Variants in ARHGEF3 observed in about 807,000 individuals in gnomAD.
ARHGEF3 encodes the protein Rho guanine nucleotide exchange factor 3.
Under a neutral mutation model 63.2 loss-of-function variants are expected in ARHGEF3, and 28 were observed. That is an observed-to-expected ratio of 0.44 (90% CI 0.33 to 0.61). The LOEUF is 0.61. Among genes scored for constraint, ARHGEF3 ranks in the 20% least tolerant of loss-of-function variants. The pLI, the probability that ARHGEF3 is intolerant of heterozygous loss-of-function variation, is 0.03. For missense variants in ARHGEF3, 533 were observed against 659.3 expected, an observed-to-expected ratio of 0.81 and a Z score of 2.10; for synonymous variants, 266 against 254.2, an observed-to-expected ratio of 1.05 and a Z score of -0.44.
At chr3:56,740,150 G>T (rs544938573) in intron 7 of ARHGEF3, among the ~76,000 whole-genome samples, 1 of 151,556 alleles carries the variant, frequency 6.6e-6, no homozygotes, top group East Asian at 1.9e-4. Context: ...TGCCTGCCTT[G>T]GCCTCCCTAA....
rs556018715 is a variant in ARHGEF3, at chr3:56,807,171, C to G, written c.193-33355G>C. ...AAAGTGCTGGGATTACAGGTGGGAGCCACCGCGCCAGGCCTGAGTTCCTTT... is the reference window on the plus strand; with the variant it reads ...AAAGTGCTGGGATTACAGGTGGGAGGCACCGCGCCAGGCCTGAGTTCCTTT... On this transcript the variant is annotated intron_variant, in intron 4 of 12. Transcript: ENST00000338458. Among the ~76,000 whole-genome samples the G allele has an allele frequency of 2.6e-5, 4 of 152,288 alleles. No homozygotes were observed. In the East Asian group the frequency reaches 7.7e-4, roughly 29 times the overall value.
chr3:56,968,235 A>T (rs1170905712), intron 2 of ARHGEF3, among the ~76,000 whole-genome samples: 15 of 34,810 alleles, frequency 4.3e-4, no homozygotes, highest in Non-Finnish European at 7.2e-4. Context: ...TATATATATA[A>T]ATATATATAT....
intron 2 of ARHGEF3, among the ~76,000 whole-genome samples, chr3:56,968,723 A>G (rs977041501): frequency 6.6e-6 from 1 of 152,142 alleles, no homozygotes; most frequent in African/African-American, 2.4e-5. Context: ...TATTGAACAC[A>G]TAATCAACAG....
intron 2 of ARHGEF3, among the ~76,000 whole-genome samples, chr3:56,767,661 T>C (rs2035784998): frequency 6.6e-6 from 1 of 151,680 alleles, no homozygotes; most frequent in Admixed American, 6.6e-5. Flanking sequence ...ACCAAAATAT[T>C]AATGGAAGTT....
In ARHGEF3 at chr3:56,839,138, C is replaced by CA. The variant is rs11331362; in HGVS notation, c.192+43153dup. Among the ~76,000 whole-genome samples the CA allele has an allele frequency of 3.2e-3, 465 of 146,880 alleles. 2 individuals carry two copies. The highest frequency in any genetic ancestry group is 0.011 in the African/African-American group (437 of 39,796). ...AGGGTGATGGAGTGAGACCTTGTCT[C>CA]AAAAAAAAAAAATTTTTTTTTGTAT... is the stretch of plus-strand genomic sequence containing the variant. On this transcript the variant is annotated intron_variant, in intron 4 of 12. Coordinates refer to the ARHGEF3 transcript ENST00000338458.
chr3:56,756,743 G>T (rs1025749039), intron 2 of ARHGEF3, among the ~76,000 whole-genome samples: 2 of 151,948 alleles, frequency 1.3e-5, no homozygotes, highest in African/African-American at 4.8e-5. Flanking sequence ...TAGAGACAGG[G>T]TTTCACCATG....
intron 1 of ARHGEF3, among the ~76,000 whole-genome samples, chr3:56,787,821 T>C (rs1279421303): frequency 6.6e-6 from 1 of 152,172 alleles, no homozygotes; most frequent in East Asian, 1.9e-4. Flanking sequence ...CTTAAGTTAG[T>C]GCTATTAATA....
chr3:56,993,668 C>A (rs906762925), intron 2 of ARHGEF3, among the ~76,000 whole-genome samples: 3 of 151,864 alleles, frequency 2.0e-5, no homozygotes, highest in African/African-American at 7.3e-5. Flanking sequence ...AGCCACCGTG[C>A]CCAGCCTAAC....
rs1704255415 is a variant in ARHGEF3 at position 57,042,681 on chromosome 3, TATATATATATA to T, written c.-27-7516_-27-7506del. ...ATATATATATATATATATATATATA[TATATATATATA>T]TATATATATTTTTTTTTTTTTTTAG... On this transcript the variant is annotated intron_variant, in intron 1 of 12. Coordinates refer to the ARHGEF3 transcript ENST00000338458. Among the ~76,000 whole-genome samples the T allele has an allele frequency of 1.7e-3, 60 of 35,772 alleles. 3 individuals are homozygous for T. The highest frequency in any genetic ancestry group is 8.6e-3 in the Middle Eastern group (1 of 116). 23.5% of individuals were successfully genotyped at this position (35,772 alleles called of 152,430 possible).
At chr3:56,786,065 T>C (rs1433354543) in intron 1 of ARHGEF3, among the ~76,000 whole-genome samples, 1 of 152,170 alleles carries the variant, frequency 6.6e-6, no homozygotes, top group African/African-American at 2.4e-5. Context: ...CTTCAAATGT[T>C]TGGTCCATGT....
intron 2 of ARHGEF3, among the ~76,000 whole-genome samples, chr3:57,005,099 T>G (rs1203790752): frequency 6.6e-6 from 1 of 152,114 alleles, no homozygotes. Flanking sequence ...AAATGTAGAC[T>G]ATAAGGCCAA....
intron 1 of ARHGEF3, among the ~76,000 whole-genome samples, chr3:57,050,624 C>A (rs553187649): frequency 7.9e-5 from 12 of 152,166 alleles, no homozygotes; most frequent in Non-Finnish European, 1.6e-4. Context: ...GCTGGGCAGA[C>A]AGGCTGGGGC....
chr3:56,946,979 T>G (rs1699538530), intron 3 of ARHGEF3, among the ~76,000 whole-genome samples: 1 of 152,176 alleles, frequency 6.6e-6, no homozygotes, highest in African/African-American at 2.4e-5. Flanking sequence ...TATTCGACAT[T>G]CTTAAAGAAA....
At position 56,728,478 on chromosome 3, in the gene ARHGEF3, C is replaced by G. The variant is rs1280971420; in HGVS notation, c.*792G>C. The G allele has an allele frequency of 6.6e-6, 1 of 152,590 alleles. No individual in the cohort carries two copies. Among genetic ancestry groups the G allele is most frequent in the African/African-American group, 2.4e-5 (1 of 41,430 alleles). 9.5% of individuals were successfully genotyped at this position (152,590 alleles called of 1,614,324 possible). A position where few individuals can be genotyped will look rare whatever the true frequency, so the allele number is the denominator to read the frequency against. ...ATGAATACAGGGCCTTCTTGTTATC[C>G]TGGCAGGCCTTCCTAAGCCCTTTGG... On this transcript the variant is annotated 3_prime_UTR_variant, in exon 10 of 10. Transcript: ENST00000296315.
At position 56,981,440 on chromosome 3, in the gene ARHGEF3, C is replaced by T. The variant is rs185185094; in HGVS notation, c.63-22551G>A. ...AGGCAGAGGTGTAGGTAGGTGCCAC[C>T]AGCAAGGAGCAGCATAGCTTGAGCA... On this transcript the variant is annotated intron_variant, in intron 2 of 12. Coordinates refer to the ARHGEF3 transcript ENST00000338458. Among the ~76,000 whole-genome samples, 12 of 152,268 alleles carry T rather than the reference C, an allele frequency of 7.9e-5. No individual in the cohort carries two copies. The South Asian group carries it at 1.9e-3, about 24-fold the overall frequency.
intron 2 of ARHGEF3, among the ~76,000 whole-genome samples, chr3:56,990,041 A>ACCCAGCTT (rs1701690488): frequency 6.6e-6 from 1 of 152,222 alleles, no homozygotes; most frequent in South Asian, 2.1e-4. Context: ...CAGCTTCGCT[A>ACCCAGCTT]CCCAGCTTCC....
chr3:56,907,070 C>T (rs2041709387), intron 3 of ARHGEF3, among the ~76,000 whole-genome samples: 1 of 147,170 alleles, frequency 6.8e-6, no homozygotes. Context: ...CAACCTCTGC[C>T]TCCTGGGTTC....
At chr3:56,838,681 G>T (rs757098347) in intron 4 of ARHGEF3, among the ~76,000 whole-genome samples, 1 of 152,128 alleles carries the variant, frequency 6.6e-6, no homozygotes, top group Non-Finnish European at 1.5e-5. Context: ...AGTAATGAGA[G>T]GGGAGCTAGA....
chr3:56,854,390 G>A (rs143817864), intron 4 of ARHGEF3, among the ~76,000 whole-genome samples: 6 of 152,270 alleles, frequency 3.9e-5, no homozygotes, highest in African/African-American at 9.6e-5. Flanking sequence ...TCAAAGCCAC[G>A]TTAAGGAGGA....
Sources: allele counts gnomAD v4.1 joint callset (sites outside exome capture counted in the v4.1 genomes callset), GRCh38; gene constraint gnomAD v4.1.1; transcripts MANE v1.5; gene names NCBI Gene and HGNC (gene_info 2026-07-23, HGNC 2026-07-21).